The following GRID2 variants were observed in gnomAD, a reference collection of about 807,000 sequenced individuals.
GRID2 encodes the protein glutamate receptor ionotropic, delta-2.
GRID2 carries 33 observed loss-of-function variants against 114.8 expected under a neutral mutation model. The ratio of observed to expected loss-of-function variants is 0.29; its 90% CI spans 0.22 to 0.38. The LOEUF (loss-of-function observed/expected upper bound fraction) is 0.38, where lower values mean the gene tolerates loss of function less well. Ranked by LOEUF, GRID2 falls within the 10% of genes least tolerant of loss-of-function variation. The pLI is 1.00. For missense variants in GRID2, 1,184 were observed against 1,257.7 expected (o/e 0.94, Z 0.89); for synonymous variants, 505 against 449.9 (o/e 1.12, Z -1.55).
chr4:92,843,449 G>C (rs927419223), intron 2 of GRID2, among the ~76,000 whole-genome samples: 2 of 151,932 alleles, frequency 1.3e-5, no homozygotes, highest in African/African-American at 4.8e-5. Context: ...GATGTCTGCT[G>C]TATCTGAAAT....
intron 11 of GRID2, among the ~76,000 whole-genome samples, chr4:93,476,278 T>TA (rs1246752149): frequency 2.0e-5 from 3 of 152,058 alleles, no homozygotes; most frequent in Admixed American, 6.6e-5. Flanking sequence ...AGAAAATAAA[T>TA]AAAAAATACA....
chr4:92,562,464 A>T (rs985322895), intron 1 of GRID2, among the ~76,000 whole-genome samples: 2 of 152,218 alleles, frequency 1.3e-5, no homozygotes, highest in African/African-American at 4.8e-5. Context: ...ATCTAATGGT[A>T]GGTGCTTCAT....
intron 1 of GRID2, among the ~76,000 whole-genome samples, chr4:92,588,565 G>A (rs1728562309): frequency 1.3e-5 from 2 of 150,898 alleles, no homozygotes; most frequent in African/African-American, 4.9e-5. Flanking sequence ...TGTAGTCCCA[G>A]GTAATTGGGA....
chr4:93,712,248 T>G (rs917653306), intron 14 of GRID2, among the ~76,000 whole-genome samples: 1 of 152,162 alleles, frequency 6.6e-6, no homozygotes, highest in African/African-American at 2.4e-5. Flanking sequence ...CAAATATTCT[T>G]ATTTCTGTTC....
At chr4:92,977,678 A>G (rs1753957918) in intron 2 of GRID2, among the ~76,000 whole-genome samples, 1 of 152,188 alleles carries the variant, frequency 6.6e-6, no homozygotes, top group South Asian at 2.1e-4. Flanking sequence ...ATGTGAAATT[A>G]AGACTTGGAC....
intron 10 of GRID2, among the ~76,000 whole-genome samples, chr4:93,445,972 G>A (rs912068242): frequency 1.3e-4 from 19 of 151,812 alleles, no homozygotes; most frequent in African/African-American, 4.6e-4. Context: ...CATGAACCAG[G>A]AATTGGCAGA....
intron 2 of GRID2, among the ~76,000 whole-genome samples, chr4:93,079,627 T>C (rs1343685561): frequency 1.3e-5 from 2 of 152,088 alleles, no homozygotes; most frequent in African/African-American, 4.8e-5. Context: ...GCATTTAATG[T>C]CACTGAGTCA....
intron 3 of GRID2, among the ~76,000 whole-genome samples, chr4:93,088,253 C>T (rs1259635266): frequency 6.6e-6 from 1 of 151,912 alleles, no homozygotes; most frequent in Non-Finnish European, 1.5e-5. Context: ...AATGTGGAAA[C>T]TTTATTTGAA....
chr4:93,050,090 T>C (rs906039956), intron 2 of GRID2, among the ~76,000 whole-genome samples: 4 of 152,040 alleles, frequency 2.6e-5, no homozygotes, highest in African/African-American at 9.7e-5. Flanking sequence ...CCTAGAAATA[T>C]GTGTTTATTG....
At chr4:93,801,377 T>C (rs1056426552) in intron 1 of GRID2, among the ~76,000 whole-genome samples, 2 of 152,090 alleles carry the variant, frequency 1.3e-5, no homozygotes, top group African/African-American at 4.8e-5. Context: ...AACTGCACTG[T>C]TTTTTCTTAT....
chr4:92,739,384 C>T (rs990652017), intron 2 of GRID2, among the ~76,000 whole-genome samples: 23 of 152,010 alleles, frequency 1.5e-4, no homozygotes, highest in Admixed American at 2.6e-4. Flanking sequence ...TTTATATCAG[C>T]GGCAGTGATG....
chr4:93,016,235 A>G (rs1047326202), intron 2 of GRID2, among the ~76,000 whole-genome samples: 13 of 152,092 alleles, frequency 8.5e-5, no homozygotes, highest in Non-Finnish European at 1.2e-4. Context: ...GGAATAGAAA[A>G]TATCATTAAA....
chr4:92,445,204 G>A (rs1389820001), intron 1 of GRID2, among the ~76,000 whole-genome samples: 1 of 152,150 alleles, frequency 6.6e-6, no homozygotes, highest in Non-Finnish European at 1.5e-5. Flanking sequence ...TTGTATTGAT[G>A]AGTAAAATTA....
In GRID2 at chr4:92,535,996, A is replaced by C. The variant is rs570358817; in HGVS notation, c.89-54135A>C. Among the ~76,000 whole-genome samples, 13 of 152,316 alleles carry C rather than the reference A, an allele frequency of 8.5e-5. 1 individual carries two copies. The South Asian group carries it at 2.7e-3, about 32-fold the overall frequency. ...ACCTTCGTGGTGAGTGTTATAGCTC[A>C]TTGTTACAGCTCATAAAGGCGTTGC... On this transcript the variant is annotated intron_variant, in intron 1 of 15. Transcript: ENST00000282020.
chr4:92,498,764 C>A (rs1004569835), intron 1 of GRID2, among the ~76,000 whole-genome samples: 4 of 151,592 alleles, frequency 2.6e-5, no homozygotes, highest in African/African-American at 7.3e-5. Flanking sequence ...TCTATAAATG[C>A]ACAAACACAT....
At chr4:92,833,055 A>G (rs1742226668) in intron 2 of GRID2, among the ~76,000 whole-genome samples, 1 of 152,200 alleles carries the variant, frequency 6.6e-6, no homozygotes, top group South Asian at 2.1e-4. Context: ...GTTGTTTCTT[A>G]AAGTATATGC....
At chr4:93,638,442 A>C in intron 14 of GRID2, among the ~76,000 whole-genome samples, 2 of 39,694 alleles carry the variant, frequency 5.0e-5, no homozygotes, top group South Asian at 1.7e-3. Context: ...ATATCTCCCA[A>C]TGCTATCCCA....
intron 2 of GRID2, among the ~76,000 whole-genome samples, chr4:93,025,678 A>G (rs1723819352): frequency 6.6e-6 from 1 of 151,740 alleles, no homozygotes; most frequent in Admixed American, 6.6e-5. Flanking sequence ...TCCTTGCAGT[A>G]AGTAGCTTAA....
chr4:92,746,725 T>C (rs1356572164), intron 2 of GRID2, among the ~76,000 whole-genome samples: 1 of 152,172 alleles, frequency 6.6e-6, no homozygotes, highest in Non-Finnish European at 1.5e-5. Flanking sequence ...TTCTAGTCTG[T>C]CACTAACTTG....
Sources: allele counts gnomAD v4.1 joint callset (sites outside exome capture counted in the v4.1 genomes callset), GRCh38; gene constraint gnomAD v4.1.1; transcripts MANE v1.5; gene names NCBI Gene and HGNC (gene_info 2026-07-23, HGNC 2026-07-21).